PIGU: variants seen among roughly 807,000 people sequenced by gnomAD.
PIGU encodes GPI-anchor transamidase component PIGU.
A neutral mutation model predicts 49.9 loss-of-function variants in PIGU; 24 were observed. The observed-to-expected ratio is 0.48, with a 90% CI of 0.35 to 0.68. The LOEUF (loss-of-function observed/expected upper bound fraction) is 0.68, where lower values mean the gene tolerates loss of function less well. Among genes scored for constraint, PIGU ranks in the 30% least tolerant of loss-of-function variants. PIGU has a pLI of 0.01. For missense variants in PIGU, 490 were observed against 532.6 expected, an observed-to-expected ratio of 0.92 and a Z score of 0.79; for synonymous variants, 220 against 205.7, an observed-to-expected ratio of 1.07 and a Z score of -0.59.
intron 1 of PIGU, among the ~76,000 whole-genome samples, chr20:34,672,029 C>G (rs1296189980): frequency 6.6e-6 from 1 of 152,176 alleles, no homozygotes; most frequent in African/African-American, 2.4e-5. Flanking sequence ...ACCTCTGCCT[C>G]CCGGGCCCAT....
At chr20:34,633,358 G>A (rs1200006891) in intron 6 of PIGU, among the ~76,000 whole-genome samples, 1 of 152,110 alleles carries the variant, frequency 6.6e-6, no homozygotes, top group African/African-American at 2.4e-5. Context: ...TAGCTACTTA[G>A]GAGGCTGAAG....
chr20:34,633,363 C>T (rs1203712006), intron 6 of PIGU, among the ~76,000 whole-genome samples: 1 of 152,034 alleles, frequency 6.6e-6, no homozygotes, highest in Non-Finnish European at 1.5e-5. Context: ...ACTTAGGAGG[C>T]TGAAGTGGGA....
At chr20:34,617,671 T>C (rs945892616) in intron 6 of PIGU, among the ~76,000 whole-genome samples, 3 of 152,232 alleles carry the variant, frequency 2.0e-5, no homozygotes, top group Admixed American at 1.3e-4. Flanking sequence ...GGGTTAATGC[T>C]GAAATGAGTT....
chr20:34,612,740 T>C (rs1237009325), intron 7 of PIGU, among the ~76,000 whole-genome samples: 1 of 151,706 alleles, frequency 6.6e-6, no homozygotes, highest in African/African-American at 2.4e-5. Flanking sequence ...TTCCTGCCTC[T>C]GCCTCCCGAG....
chr20:34,631,089 T>C (rs536341259), intron 6 of PIGU, among the ~76,000 whole-genome samples: 1 of 151,650 alleles, frequency 6.6e-6, no homozygotes, highest in South Asian at 2.1e-4. Context: ...ACTGAAAATA[T>C]ATATGTATAA....
intron 7 of PIGU, among the ~76,000 whole-genome samples, chr20:34,600,411 G>A (rs1984371886): frequency 1.3e-5 from 2 of 151,346 alleles, no homozygotes; most frequent in Middle Eastern, 3.4e-3. Context: ...GAAGAGAAGA[G>A]AAGAGAGAAA....
chr20:34,625,442 A>G (rs1165592784), intron 6 of PIGU, among the ~76,000 whole-genome samples: 1 of 151,900 alleles, frequency 6.6e-6, no homozygotes. Flanking sequence ...CATGAACTTA[A>G]TCTACAGGAA....
At chr20:34,624,824 C>T (rs1420337347) in intron 6 of PIGU, among the ~76,000 whole-genome samples, 2 of 152,240 alleles carry the variant, frequency 1.3e-5, no homozygotes, top group East Asian at 1.9e-4. Context: ...AATACAATGG[C>T]CCGAGGCTTG....
intron 7 of PIGU, among the ~76,000 whole-genome samples, chr20:34,607,510 T>C (rs1162826537): frequency 6.6e-6 from 1 of 152,130 alleles, no homozygotes; most frequent in Non-Finnish European, 1.5e-5. Context: ...ACCTTCCTGC[T>C]CCATCCCCTT....
At chr20:34,586,803 C>T (rs139449104) in intron 8 of PIGU, among the ~76,000 whole-genome samples, 2 of 152,310 alleles carry the variant, frequency 1.3e-5, no homozygotes, top group Non-Finnish European at 2.9e-5. Flanking sequence ...GTCAGAGGCC[C>T]TCTTGCACTA....
In PIGU at chr20:34,581,666, G is replaced by A; in HGVS notation, c.933C>T (p.His311=). ...TCTGGATAAACATGAAGAAGATGGG[G>A]TGCTCCCTGGGGCAGGGCAGGGGAA... is the stretch of plus-strand genomic sequence containing the variant. ...TIPLAIKLKE[H]PIFFMFIQIA... is the part of the protein sequence containing the mutation. The change falls in exon 10 of 12, where the codon CAC becomes CAT. Residue 311 remains histidine (H), a synonymous_variant. Transcript: ENST00000217446. 1 of 1,610,834 alleles carries A rather than the reference G, an allele frequency of 6.2e-7. No individual in the cohort carries two copies. The highest frequency in any genetic ancestry group is 8.5e-7 in the Non-Finnish European group (1 of 1,179,296).
At chr20:34,650,939 C>T (rs1051136644) in intron 2 of PIGU, among the ~76,000 whole-genome samples, 12 of 151,584 alleles carry the variant, frequency 7.9e-5, no homozygotes, top group African/African-American at 2.9e-4. Context: ...GTTTTGAACT[C>T]CTGACCTCAG....
At chr20:34,665,489 C>T (rs1037271526) in intron 1 of PIGU, among the ~76,000 whole-genome samples, 1 of 151,810 alleles carries the variant, frequency 6.6e-6, no homozygotes, top group African/African-American at 2.4e-5. Context: ...AGGCGTGAGC[C>T]ACCGCGCCCG....
chr20:34,587,697 A>G (rs1983757853), intron 8 of PIGU, among the ~76,000 whole-genome samples: 3 of 152,150 alleles, frequency 2.0e-5, no homozygotes, highest in Non-Finnish European at 4.4e-5. Flanking sequence ...CTCTGCTTCT[A>G]TGAGCGTAAT....
chr20:34,616,279 G>A (rs963817040), intron 6 of PIGU, 140 bp from the exon 7 acceptor site: 2 of 886,290 alleles, frequency 2.3e-6, no homozygotes, highest in African/African-American at 1.8e-5. Context: ...AAGGTGCTAT[G>A]CAAATTCACA....
intron 7 of PIGU, among the ~76,000 whole-genome samples, chr20:34,602,404 C>G (rs541977079): frequency 1.3e-5 from 2 of 151,864 alleles, no homozygotes; most frequent in South Asian, 4.2e-4. Flanking sequence ...CAAGAACAGC[C>G]TGGCCAACAT....
At chr20:34,611,284 A>G (rs559383270) in intron 7 of PIGU, among the ~76,000 whole-genome samples, 3 of 152,338 alleles carry the variant, frequency 2.0e-5, no homozygotes, top group African/African-American at 7.2e-5. Context: ...AGAATGGGAG[A>G]AAATTTTTGC....
At chr20:34,644,562 G>A (rs1342883606) in intron 3 of PIGU, among the ~76,000 whole-genome samples, 2 of 152,192 alleles carry the variant, frequency 1.3e-5, no homozygotes, top group East Asian at 1.9e-4. Context: ...CTAGCACACA[G>A]TAGGTCCTCA....
chr20:34,587,657 C>G (rs931399308), intron 8 of PIGU, among the ~76,000 whole-genome samples: 1 of 152,126 alleles, frequency 6.6e-6, no homozygotes, highest in Non-Finnish European at 1.5e-5. Context: ...ATTCTCCCAC[C>G]CTGCCGGCAT....
Sources: allele counts gnomAD v4.1 joint callset (sites outside exome capture counted in the v4.1 genomes callset), GRCh38; gene constraint gnomAD v4.1.1; transcripts MANE v1.5; gene names NCBI Gene and HGNC (gene_info 2026-07-23, HGNC 2026-07-21).